KCNK10: variants seen among roughly 807,000 people sequenced by gnomAD.
The protein encoded by KCNK10 is potassium channel subfamily K member 10.
Under a neutral mutation model 47.7 loss-of-function variants are expected in KCNK10, and 25 were observed. The ratio of observed to expected loss-of-function variants is 0.52; its 90% CI spans 0.38 to 0.73. KCNK10 has a LOEUF of 0.73. KCNK10 is among the 30% of genes least tolerant of loss of function. KCNK10 has a pLI of 0.00. For missense variants in KCNK10, 563 were observed against 714.5 expected (o/e 0.79, Z 2.42); for synonymous variants, 303 against 285.6 (o/e 1.06, Z -0.61).
At chr14:88,308,976 A>C (rs1888257273) in intron 1 of KCNK10, among the ~76,000 whole-genome samples, 1 of 152,194 alleles carries the variant, frequency 6.6e-6, no homozygotes. Flanking sequence ...TGTGTGCCTG[A>C]AACAGATTTC....
At chr14:88,259,852 G>C (rs1032536877) in intron 2 of KCNK10, among the ~76,000 whole-genome samples, 1 of 152,226 alleles carries the variant, frequency 6.6e-6, no homozygotes, top group African/African-American at 2.4e-5. Context: ...GTAATCCCCA[G>C]TGTAGGAGAA....
chr14:88,209,467 C>T (rs1407552608), intron 4 of KCNK10, among the ~76,000 whole-genome samples: 3 of 152,256 alleles, frequency 2.0e-5, no homozygotes, highest in African/African-American at 4.8e-5. Context: ...CGAATGGCAA[C>T]GGCATCCCCT....
At chr14:88,317,933 T>C (rs1888462491) in intron 1 of KCNK10, among the ~76,000 whole-genome samples, 1 of 152,158 alleles carries the variant, frequency 6.6e-6, no homozygotes, top group Non-Finnish European at 1.5e-5. Flanking sequence ...TGCCTAAAAA[T>C]AGCCACACTC....
intron 4 of KCNK10, among the ~76,000 whole-genome samples, chr14:88,217,078 AC>A (rs1190865210): frequency 6.6e-6 from 1 of 152,166 alleles, no homozygotes; most frequent in Non-Finnish European, 1.5e-5. Context: ...AGTCGCTTGA[AC>A]CCAAGAGGCG....
chr14:88,311,385 T>TG (rs1888326093), intron 1 of KCNK10, among the ~76,000 whole-genome samples: 1 of 152,192 alleles, frequency 6.6e-6, no homozygotes, highest in African/African-American at 2.4e-5. Context: ...CTACATGACC[T>TG]GAGCATCACC....
At chr14:88,228,776 A>T (rs1474097966) in intron 3 of KCNK10, among the ~76,000 whole-genome samples, 2 of 152,038 alleles carry the variant, frequency 1.3e-5, no homozygotes, top group Non-Finnish European at 2.9e-5. Context: ...AATCATTCAA[A>T]CCTCTTATAA....
intron 4 of KCNK10, among the ~76,000 whole-genome samples, chr14:88,207,852 G>T (rs1035349494): frequency 8.5e-5 from 12 of 141,604 alleles, no homozygotes; most frequent in Admixed American, 5.4e-4. Flanking sequence ...GATGTTATTT[G>T]GGGGGGGTGT....
intron 4 of KCNK10, among the ~76,000 whole-genome samples, chr14:88,212,178 T>A (rs1212242053): frequency 6.7e-6 from 1 of 149,042 alleles, no homozygotes; most frequent in Non-Finnish European, 1.5e-5. Context: ...TGGTGGCTTA[T>A]GCCTATAATC....
intron 1 of KCNK10, among the ~76,000 whole-genome samples, chr14:88,316,972 T>C (rs1414603589): frequency 1.3e-5 from 2 of 152,184 alleles, no homozygotes; most frequent in Non-Finnish European, 2.9e-5. Context: ...AAAGTACAGA[T>C]GTTTTGGAAA....
intron 4 of KCNK10, among the ~76,000 whole-genome samples, chr14:88,215,139 C>G (rs757995546): frequency 6.6e-6 from 1 of 152,084 alleles, no homozygotes; most frequent in Non-Finnish European, 1.5e-5. Context: ...AGGTAAAGCC[C>G]AGATAGCCCA....
chr14:88,262,578 T>C (rs1477811849), intron 2 of KCNK10, among the ~76,000 whole-genome samples: 2 of 152,212 alleles, frequency 1.3e-5, no homozygotes, highest in African/African-American at 4.8e-5. Context: ...TCTGCTTCCA[T>C]TTTCCTAAGA....
chr14:88,295,426 G>A (rs568445617), intron 1 of KCNK10, among the ~76,000 whole-genome samples: 9 of 152,260 alleles, frequency 5.9e-5, no homozygotes, highest in Admixed American at 3.3e-4. Flanking sequence ...TTGGGAGGCC[G>A]AGGCAGGCAG....
chr14:88,269,010 C>G (rs1186397646), intron 1 of KCNK10, among the ~76,000 whole-genome samples: 1 of 152,138 alleles, frequency 6.6e-6, no homozygotes, highest in African/African-American at 2.4e-5. Context: ...TGGTGGCATG[C>G]ACCTGTAGTC....
At position 88,186,679 on chromosome 14, in the gene KCNK10, G is replaced by A. The variant is rs954073964; in HGVS notation, c.1012-524C>T. 2.6e-5 allele frequency among the ~76,000 whole-genome samples: 4 copies of A among 152,162 alleles called. No homozygotes were observed. Among genetic ancestry groups the A allele is most frequent in the Admixed American group, 6.5e-5 (1 of 15,276 alleles). Reference sequence around the variant, plus strand: ...AACTTGTTCCAGTTTGCCTGAGGCTGTCCCAGTTTTAAAACAGAGTCCTGT... The same window carrying A: ...AACTTGTTCCAGTTTGCCTGAGGCTATCCCAGTTTTAAAACAGAGTCCTGT... On this transcript the variant is annotated intron_variant, in intron 6 of 6. Coordinates refer to ENST00000319231, the MANE Select transcript of KCNK10 (RefSeq NM_138317.3). The surrounding 1 kb of genome is among the most constrained non-coding windows in gnomAD (Gnocchi z 5.5).
chr14:88,247,608 G>A (rs546489160), intron 2 of KCNK10, among the ~76,000 whole-genome samples: 5 of 152,312 alleles, frequency 3.3e-5, no homozygotes, highest in Admixed American at 1.3e-4. Flanking sequence ...GAAGGCCACT[G>A]GCAGAAAGGA....
chr14:88,324,771 C>T (rs116493091), upstream of KCNK10, among the ~76,000 whole-genome samples: 1,121 of 152,312 alleles, frequency 7.4e-3, 21 homozygotes, highest in African/African-American at 0.025. Flanking sequence ...CACCTTGAGG[C>T]TTCTGGGGAG....
Position 88,310,205 on chromosome 14 carries a change from G to GATATGGTATATC in KCNK10, c.52+12541_52+12542insGATATACCATAT, listed in dbSNP as rs1888291890. 3.1e-4 allele frequency among the ~76,000 whole-genome samples: 13 copies of GATATGGTATATC among 42,342 alleles called. 1 individual carries two copies. The highest frequency in any genetic ancestry group is 1.2e-3 in the Admixed American group (4 of 3,318). The allele number at this position is 42,342 out of a possible 152,430, so 27.8% of individuals were successfully genotyped here. ...TGATATACCATATCATATGGTATAT[G>GATATGGTATATC]ATATACCATATCATATGGTATATGA... On this transcript the variant is annotated intron_variant, in intron 1 of 6. Transcript: ENST00000319231.
intron 3 of KCNK10, among the ~76,000 whole-genome samples, chr14:88,227,856 T>C (rs534848298): frequency 6.6e-6 from 1 of 152,346 alleles, no homozygotes; most frequent in Non-Finnish European, 1.5e-5. Context: ...ATGTCTAGTT[T>C]AGCGAGACCT....
intron 2 of KCNK10, among the ~76,000 whole-genome samples, chr14:88,259,608 C>T (rs1396883911): frequency 4.6e-5 from 7 of 152,120 alleles, no homozygotes; most frequent in Non-Finnish European, 8.8e-5. Flanking sequence ...AGGCGTGTGC[C>T]ACCACACCCA....
Sources: allele counts gnomAD v4.1 joint callset (sites outside exome capture counted in the v4.1 genomes callset), GRCh38; gene constraint gnomAD v4.1.1; non-coding constraint Gnocchi (gnomAD v3.1); transcripts MANE v1.5; gene names NCBI Gene and HGNC (gene_info 2026-07-23, HGNC 2026-07-21).